The following MAPK10 variants were observed in gnomAD, a reference collection of about 807,000 sequenced individuals.
The protein encoded by MAPK10 is mitogen-activated protein kinase 10.
In MAPK10, 25 loss-of-function variants were observed where a neutral mutation model predicts 59.3. The observed-to-expected ratio is 0.42, with a 90% CI of 0.31 to 0.59. The LOEUF is 0.59. Among genes scored for constraint, MAPK10 ranks in the 20% least tolerant of loss-of-function variants. The pLI is 0.15. For synonymous variants in MAPK10, 190 were observed against 200.5 expected (o/e 0.95, Z 0.44); for missense variants, 351 against 568.9 (o/e 0.62, Z 3.90).
At chr4:86,294,866 A>G (rs115705090) in intron 2 of MAPK10, among the ~76,000 whole-genome samples, 3,019 of 152,314 alleles carry the variant, frequency 0.02, 99 homozygotes, top group African/African-American at 0.069. Context: ...ACTGATCAGC[A>G]CAGGCCTGGT....
intron 1 of MAPK10, among the ~76,000 whole-genome samples, chr4:86,476,734 T>C (rs527735250): frequency 6.6e-5 from 10 of 152,220 alleles, no homozygotes; most frequent in Admixed American, 1.3e-4. Context: ...AATGTATTTC[T>C]GAGTTGCAAT....
intron 11 of MAPK10, among the ~76,000 whole-genome samples, chr4:86,057,071 C>T (rs1197425600): frequency 6.7e-6 from 1 of 148,922 alleles, no homozygotes; most frequent in Non-Finnish European, 1.5e-5. Flanking sequence ...TCAAGCGATT[C>T]TCCTGCCTCA....
chr4:86,331,443 C>T (rs10010952), intron 2 of MAPK10, among the ~76,000 whole-genome samples: 111,692 of 151,970 alleles, frequency 0.73, 41,553 homozygotes, highest in South Asian at 0.9. Context: ...CAAGTATGAG[C>T]ATAATTACAG....
chr4:86,256,762 A>C (rs1583590322), intron 2 of MAPK10, among the ~76,000 whole-genome samples: 2 of 100,364 alleles, frequency 2.0e-5, no homozygotes, highest in African/African-American at 4.1e-5. Context: ...TTTTTTTGAG[A>C]CAGAGTCTCT....
chr4:86,343,927 C>A (rs932094827), intron 2 of MAPK10, among the ~76,000 whole-genome samples: 1 of 151,970 alleles, frequency 6.6e-6, no homozygotes, highest in Non-Finnish European at 1.5e-5. Context: ...GGTTTACAAT[C>A]ATTGATTTTT....
At chr4:86,206,326 G>A (rs1271272702) in intron 2 of MAPK10, among the ~76,000 whole-genome samples, 2 of 151,760 alleles carry the variant, frequency 1.3e-5, no homozygotes, top group African/African-American at 4.9e-5. Context: ...ATAGTTTACT[G>A]AGAATGATGA....
chr4:86,063,525 G>C (rs1263235503), intron 11 of MAPK10, among the ~76,000 whole-genome samples: 1 of 152,088 alleles, frequency 6.6e-6, no homozygotes. Flanking sequence ...TTCTCATCAG[G>C]AGGCCTATAG....
intron 1 of MAPK10, among the ~76,000 whole-genome samples, chr4:86,583,728 C>T (rs1762468626): frequency 6.6e-6 from 1 of 152,182 alleles, no homozygotes; most frequent in Non-Finnish European, 1.5e-5. Flanking sequence ...TTATCAGATA[C>T]TCTGTTACTT....
At chr4:86,391,446 C>A (rs1742166456) in intron 1 of MAPK10, among the ~76,000 whole-genome samples, 1 of 152,150 alleles carries the variant, frequency 6.6e-6, no homozygotes. Context: ...TTTAACTGTA[C>A]CATGATTGAA....
Position 86,442,083 on chromosome 4 carries a change from A to G in MAPK10, c.-122+10947T>C, listed in dbSNP as rs543382249. Among the ~76,000 whole-genome samples the G allele has an allele frequency of 3.3e-5, 5 of 152,172 alleles. No individual in the cohort carries two copies. The East Asian group carries it at 9.7e-4, about 29-fold the overall frequency. On this transcript the variant is annotated intron_variant, in intron 1 of 13. Transcript: ENST00000361569. ...CATACAACTAATGCTTCATTTTTTC[A>G]TTTTCTCTTGATCATCTGATCACCA...
intron 4 of MAPK10, among the ~76,000 whole-genome samples, chr4:86,129,460 C>T (rs1243106807): frequency 6.6e-6 from 1 of 152,082 alleles, no homozygotes; most frequent in Non-Finnish European, 1.5e-5. Flanking sequence ...TTTAAATAAA[C>T]ATGAAGATTG....
intron 2 of MAPK10, among the ~76,000 whole-genome samples, chr4:86,244,670 C>A (rs1272174100): frequency 1.3e-5 from 2 of 152,060 alleles, no homozygotes; most frequent in Non-Finnish European, 2.9e-5. Context: ...CAGAAAGGGC[C>A]CATAAAGTGT....
chr4:86,198,044 A>G (rs987521105), intron 2 of MAPK10, among the ~76,000 whole-genome samples: 2 of 152,130 alleles, frequency 1.3e-5, no homozygotes, highest in African/African-American at 2.4e-5. Context: ...CCAATTAGTC[A>G]TTGTATGGGG....
chr4:86,224,451 C>T (rs2090257798), intron 2 of MAPK10, among the ~76,000 whole-genome samples: 1 of 152,120 alleles, frequency 6.6e-6, no homozygotes, highest in Admixed American at 6.6e-5. Flanking sequence ...AGGAAGGGAA[C>T]AGAGTTCCAG....
At chr4:86,217,760 G>C (rs911021887) in intron 2 of MAPK10, among the ~76,000 whole-genome samples, 1 of 151,866 alleles carries the variant, frequency 6.6e-6, no homozygotes, top group Non-Finnish European at 1.5e-5. Flanking sequence ...ATACCTATTT[G>C]TAAAGCATAA....
intron 1 of MAPK10, among the ~76,000 whole-genome samples, chr4:86,459,959 A>T (rs980401934): frequency 4.6e-5 from 7 of 151,270 alleles, no homozygotes; most frequent in South Asian, 2.1e-4. Flanking sequence ...AAAAAAATCT[A>T]AAAAAAAAGC....
At chr4:86,188,058 GT>G (rs1369585125) in intron 3 of MAPK10, among the ~76,000 whole-genome samples, 2 of 152,108 alleles carry the variant, frequency 1.3e-5, no homozygotes, top group African/African-American at 4.8e-5. Flanking sequence ...CTTCATCCAT[GT>G]CCCTGCAAAG....
chr4:86,573,903 AT>A (rs543223725), intron 1 of MAPK10, among the ~76,000 whole-genome samples: 1 of 152,152 alleles, frequency 6.6e-6, no homozygotes, highest in South Asian at 2.1e-4. Flanking sequence ...GAGAAATGCA[AT>A]TTTTTAAATT....
chr4:86,045,763 T>G (rs1231344316), intron 11 of MAPK10, among the ~76,000 whole-genome samples: 14 of 151,728 alleles, frequency 9.2e-5, no homozygotes. Flanking sequence ...AGCTTAAAGC[T>G]TTGCAATTCT....
Sources: allele counts gnomAD v4.1 joint callset (sites outside exome capture counted in the v4.1 genomes callset), GRCh38; gene constraint gnomAD v4.1.1; transcripts MANE v1.5; gene names NCBI Gene and HGNC (gene_info 2026-07-23, HGNC 2026-07-21).